The following FRMPD1 variants were observed in gnomAD, a reference collection of about 807,000 sequenced individuals.
The protein encoded by FRMPD1 is FERM and PDZ domain-containing protein 1.
A neutral mutation model predicts 117.8 loss-of-function variants in FRMPD1; 76 were observed. The observed-to-expected ratio is 0.65, with a 90% CI of 0.54 to 0.78. The LOEUF (loss-of-function observed/expected upper bound fraction) is 0.78, where lower values mean the gene tolerates loss of function less well. FRMPD1 is among the 30% of genes least tolerant of loss of function. FRMPD1 has a pLI of 0.00. For missense variants in FRMPD1, 1,786 were observed against 1,964.5 expected (o/e 0.91, Z 1.72); for synonymous variants, 783 against 770.4 (o/e 1.02, Z -0.27).
At position 37,686,672 on chromosome 9, in the gene FRMPD1, T is replaced by G. The variant is rs768875736; in HGVS notation, c.-4-5966T>G. On this transcript the variant is annotated intron_variant, in intron 1 of 15. Coordinates refer to ENST00000377765, the MANE Select transcript of FRMPD1 (RefSeq NM_014907.3). ...GATATATAACACAAATTAATTCTCT[T>G]AATTAGAACCATGTATGTTTATAGA... Among the ~76,000 whole-genome samples, 122 of 152,230 alleles carry G rather than the reference T, an allele frequency of 8.0e-4. 2 individuals carry two copies. The highest frequency in any genetic ancestry group is 8.0e-3 in the Admixed American group (122 of 15,282).
At chr9:37,649,609 C>T (rs1286727711), upstream of FRMPD1, among the ~76,000 whole-genome samples, 1 of 152,206 alleles carries the variant, frequency 6.6e-6, no homozygotes, top group African/African-American at 2.4e-5. Flanking sequence ...CTGCCTTCAT[C>T]CAGACGATGT....
chr9:37,648,428 G>C (rs1270417815), upstream of FRMPD1, among the ~76,000 whole-genome samples: 1 of 152,148 alleles, frequency 6.6e-6, no homozygotes, highest in Non-Finnish European at 1.5e-5. Flanking sequence ...TTTGCTGCAC[G>C]ATCAAGAAGG....
intron 9 of FRMPD1, 142 bp downstream of exon 9, chr9:37,731,245 C>T (rs558241899): frequency 6.9e-5 from 50 of 724,918 alleles, no homozygotes; most frequent in South Asian, 4.8e-4. Flanking sequence ...GCCTGATCAT[C>T]GCTCAGAATT....
intron 1 of FRMPD1, among the ~76,000 whole-genome samples, chr9:37,683,227 C>T (rs1821791389): frequency 1.3e-5 from 2 of 152,236 alleles, no homozygotes; most frequent in South Asian, 4.1e-4. Context: ...ATCAGGACCT[C>T]ATTCCTTTTT....
At chr9:37,612,771 C>T in the FRMPD1 span, among the ~76,000 whole-genome samples, 4 of 152,212 alleles carry the variant, frequency 2.6e-5, no homozygotes, top group African/African-American at 7.2e-5. Flanking sequence ...GGATTACAGG[C>T]ATGAGCCACC....
the FRMPD1 span, among the ~76,000 whole-genome samples, chr9:37,610,491 A>C: frequency 6.6e-6 from 1 of 152,190 alleles, no homozygotes; most frequent in African/African-American, 2.4e-5. Flanking sequence ...ACAACAAAAA[A>C]CAAATGGTAT....
At chr9:37,710,593 T>G (rs146857140) in intron 4 of FRMPD1, among the ~76,000 whole-genome samples, 1 of 152,332 alleles carries the variant, frequency 6.6e-6, no homozygotes, top group African/African-American at 2.4e-5. Flanking sequence ...AGACATTCAT[T>G]CTGTTTAGTG....
the FRMPD1 span, among the ~76,000 whole-genome samples, chr9:37,605,858 G>A: frequency 6.6e-6 from 1 of 152,048 alleles, no homozygotes; most frequent in Non-Finnish European, 1.5e-5. Flanking sequence ...GGGACTACAG[G>A]TTCATGCCTG....
chr9:37,637,310 C>T, the FRMPD1 span: 40 of 1,217,628 alleles, frequency 3.3e-5, no homozygotes, highest in African/African-American at 4.1e-4. Context: ...GGCGGAAGCC[C>T]GCTCAGTCGC....
At chr9:37,634,699 T>C in the FRMPD1 span, among the ~76,000 whole-genome samples, 2 of 152,300 alleles carry the variant, frequency 1.3e-5, no homozygotes, top group East Asian at 3.8e-4. Flanking sequence ...TTACAGAAGC[T>C]CTTGCAGTTG....
chr9:37,628,861 C>T, the FRMPD1 span, among the ~76,000 whole-genome samples: 23,692 of 152,138 alleles, frequency 0.16, 2,549 homozygotes, highest in East Asian at 0.58. Flanking sequence ...GTGTGTGGTC[C>T]CTGAACCAGC....
At chr9:37,658,860 ATTATTTAT>A (rs753674731) in intron 1 of FRMPD1, among the ~76,000 whole-genome samples, 2 of 152,082 alleles carry the variant, frequency 1.3e-5, no homozygotes, top group African/African-American at 4.8e-5. Context: ...GGGACTTGGA[ATTATTTAT>A]TTATTTATTT....
intron 7 of FRMPD1, among the ~76,000 whole-genome samples, chr9:37,725,777 A>G (rs1823592622): frequency 6.6e-6 from 1 of 152,242 alleles, no homozygotes; most frequent in East Asian, 1.9e-4. Flanking sequence ...CAGAAGAGAA[A>G]ACAGGCCCAA....
chr9:37,733,468 G>A lies in FRMPD1; in HGVS notation c.996-5G>A, dbSNP rs933498908. On this transcript the variant is annotated splice_polypyrimidine_tract_variant and splice_region_variant and intron_variant, in intron 10 of 15. Transcript: ENST00000377765. ...GGCCTCCTTGTCTCCAATGTCTCAT[G>A]GCAGGAAAGACTGGGGAATAGAGAA... The A allele has an allele frequency of 5.0e-6, 8 of 1,612,384 alleles. No homozygotes were observed. In the African/African-American group the frequency reaches 5.3e-5, roughly 11 times the overall value.
At chr9:37,738,311 G>A (rs1824226580) in intron 14 of FRMPD1, among the ~76,000 whole-genome samples, 1 of 148,064 alleles carries the variant, frequency 6.8e-6, no homozygotes, top group East Asian at 2.0e-4. Context: ...GTTAGAAAGT[G>A]ATGAGTTTGG....
the FRMPD1 span, among the ~76,000 whole-genome samples, chr9:37,632,280 T>C: frequency 6.6e-6 from 1 of 152,256 alleles, no homozygotes; most frequent in South Asian, 2.1e-4. Context: ...CTGTTCAATA[T>C]GTTGATGAAC....
chr9:37,687,792 T>C (rs1821999269), intron 1 of FRMPD1, among the ~76,000 whole-genome samples: 1 of 152,130 alleles, frequency 6.6e-6, no homozygotes, highest in Non-Finnish European at 1.5e-5. Flanking sequence ...TAATAAGAAG[T>C]AAATATAAAT....
chr9:37,652,431 C>T (rs944854799), intron 1 of FRMPD1, among the ~76,000 whole-genome samples: 6 of 152,200 alleles, frequency 3.9e-5, no homozygotes, highest in African/African-American at 1.4e-4. Context: ...ATCTTGTTCC[C>T]CTTGTGCTGC....
Position 37,746,485 on chromosome 9 carries a change from G to C in FRMPD1, c.4453G>C (p.Glu1485Gln), listed in dbSNP as rs760505793. The C allele has an allele frequency of 1.6e-5, 26 of 1,613,634 alleles. No individual in the cohort carries two copies. In the Admixed American group the frequency reaches 4.0e-4, roughly 25 times the overall value. ...GATCAGAATGGACCAGTCCCCCGAA[G>C]AGATGCAGGGGGCCGTGCGTGACAC... ...HVIRMDQSPE[E>Q]MQGAVRDTFQ... is the part of the protein sequence containing the mutation. Residue 1485 changes from glutamate (E) to glutamine (Q), a missense_variant, in exon 16 of 16, where the codon GAG becomes CAG. Coordinates refer to ENST00000377765, the MANE Select transcript of FRMPD1 (RefSeq NM_014907.3).
Sources: allele counts gnomAD v4.1 joint callset (sites outside exome capture counted in the v4.1 genomes callset), GRCh38; gene constraint gnomAD v4.1.1; transcripts MANE v1.5; gene names NCBI Gene and HGNC (gene_info 2026-07-23, HGNC 2026-07-21).